Variants in LOXL2 observed in about 807,000 individuals in gnomAD.
LOXL2 encodes lysyl oxidase homolog 2.
In LOXL2, 70 loss-of-function variants were observed where a neutral mutation model predicts 93.0. The observed-to-expected ratio is 0.75, with a 90% CI of 0.62 to 0.92. The LOEUF is 0.92. Ranked by LOEUF, LOXL2 falls within the 40% of genes least tolerant of loss-of-function variation. The pLI is 0.00. For missense variants in LOXL2, 973 were observed against 1,054.9 expected (o/e 0.92, Z 1.08); for synonymous variants, 438 against 413.2 (o/e 1.06, Z -0.73).
intron 1 of LOXL2, among the ~76,000 whole-genome samples, chr8:23,368,940 C>T (rs1258687776): frequency 1.3e-5 from 2 of 152,142 alleles, no homozygotes; most frequent in South Asian, 2.1e-4. Context: ...ATACCTGACT[C>T]CCTTTCCTCC....
chr8:23,386,690 T>G (rs1271330926), intron 1 of LOXL2, among the ~76,000 whole-genome samples: 2 of 114,126 alleles, frequency 1.8e-5, no homozygotes, highest in Non-Finnish European at 4.3e-5. Context: ...GTCTCAACAT[T>G]GACAGTCTAA....
At chr8:23,363,431 GCTCCAC>G (rs1804336106) in intron 2 of LOXL2, 1 of 152,184 alleles carries the variant, frequency 6.6e-6, no homozygotes, top group South Asian at 2.1e-4. Context: ...AAGCAGTCAA[GCTCCAC>G]TGAAACATAC....
intron 1 of LOXL2, among the ~76,000 whole-genome samples, chr8:23,375,027 G>A (rs2117220108): frequency 6.6e-6 from 1 of 152,270 alleles, no homozygotes; most frequent in Admixed American, 6.5e-5. Flanking sequence ...GCTCATGCCT[G>A]TGTCCTGAAT....
intron 9 of LOXL2, among the ~76,000 whole-genome samples, chr8:23,311,337 C>T (rs886691641): frequency 2.6e-5 from 4 of 152,154 alleles, no homozygotes; most frequent in African/African-American, 4.8e-5. Flanking sequence ...GGGTGGGGCA[C>T]GGAAGCCGTA....
At position 23,317,147 on chromosome 8, in the gene LOXL2, A is replaced by G. The variant is rs766269460; in HGVS notation, c.1471-33T>C. On this transcript the variant is annotated intron_variant, in intron 8 of 13. Transcript: ENST00000389131. ...AACCAACAAAACAAATGGTGGGTAC[A>G]TCATCTCAAACTGTCACTTTCTCAT... 3.6e-5 allele frequency: 58 copies of G among 1,606,384 alleles called. 2 individuals are homozygous for G. In the South Asian group the frequency reaches 6.0e-4, roughly 16 times the overall value.
At position 23,380,699 on chromosome 8, in the gene LOXL2, G is replaced by A. The variant is rs993618205; in HGVS notation, c.-83-12265C>T. On this transcript the variant is annotated intron_variant, in intron 1 of 13. Transcript: ENST00000389131. ...ACACAAGCTGGTGAAAAAAAATCTG[G>A]AAAACACAAACAAGTGAAAGGAAGA... is the stretch of plus-strand genomic sequence containing the variant. Among the ~76,000 whole-genome samples, 8 of 152,172 alleles carry A rather than the reference G, an allele frequency of 5.3e-5. No homozygotes were observed. In the East Asian group the frequency reaches 1.4e-3, roughly 26 times the overall value.
At chr8:23,315,338 G>T (rs1803378393) in intron 9 of LOXL2, among the ~76,000 whole-genome samples, 1 of 152,168 alleles carries the variant, frequency 6.6e-6, no homozygotes, top group African/African-American at 2.4e-5. Flanking sequence ...GTTGCCTGAA[G>T]AATTACTTTA....
At chr8:23,312,068 C>T (rs577476161) in intron 9 of LOXL2, among the ~76,000 whole-genome samples, 134 of 152,292 alleles carry the variant, frequency 8.8e-4, no homozygotes, top group African/African-American at 3.2e-3. Context: ...ATAAATTCCT[C>T]GACACATACA....
chr8:23,317,261 G>T (rs1235250560), intron 8 of LOXL2, 147 bp from the exon 9 acceptor site: 4 of 834,494 alleles, frequency 4.8e-6, no homozygotes, highest in Non-Finnish European at 7.8e-6. Flanking sequence ...ACCTATCCAA[G>T]CTGTGCAGTT....
At chr8:23,399,812 T>C (rs932750052) in intron 1 of LOXL2, among the ~76,000 whole-genome samples, 1 of 152,240 alleles carries the variant, frequency 6.6e-6, no homozygotes, top group Non-Finnish European at 1.5e-5. Context: ...TGGTGTGGAA[T>C]CACCTAGAAA....
intron 6 of LOXL2, among the ~76,000 whole-genome samples, chr8:23,325,498 C>T (rs1241672688): frequency 1.3e-5 from 2 of 152,030 alleles, no homozygotes; most frequent in African/African-American, 4.8e-5. Flanking sequence ...CACTATGTTG[C>T]CCAGGCTCGT....
At chr8:23,382,587 C>T (rs1161102631) in intron 1 of LOXL2, 2 of 151,478 alleles carry the variant, frequency 1.3e-5, no homozygotes, top group Non-Finnish European at 2.9e-5. Context: ...AACTTTCTGA[C>T]TTTATCCTCA....
intron 4 of LOXL2, among the ~76,000 whole-genome samples, chr8:23,340,491 A>T (rs1294590599): frequency 1.3e-5 from 2 of 152,238 alleles, no homozygotes; most frequent in East Asian, 3.8e-4. Flanking sequence ...GTCAGATTTA[A>T]CTGGGATTGG....
In LOXL2 at chr8:23,298,094, T is replaced by C. The variant is rs1211544192; in HGVS notation, c.2274A>G (p.Lys758=). ...AGAGCCCGCTGAAGTGCTCAAACTT[T>C]TTTTCCGTCTCTTCGCTGAAGGAAC... ...IGGSFSEETE[K]KFEHFSGLLN... is the part of the protein sequence containing the mutation. The change falls in exon 14 of 14, where the codon AAA becomes AAG. Residue 758 remains lysine (K), a synonymous_variant. Transcript: ENST00000389131. 1.2e-6 allele frequency: 2 copies of C among 1,613,696 alleles called. No individual in the cohort carries two copies. The highest frequency in any genetic ancestry group is 1.7e-5 in the Admixed American group (1 of 60,010).
At position 23,310,813 on chromosome 8, in the gene LOXL2, T is replaced by C. The variant is rs77724967; in HGVS notation, c.1637-902A>G. On this transcript the variant is annotated intron_variant, in intron 9 of 13. Transcript: ENST00000389131. ...CTTTTACAATGCTTGATTTACTCAATTAGTGCACTGCACATAGCAGGTGTT... is the reference window on the plus strand; with the variant it reads ...CTTTTACAATGCTTGATTTACTCAACTAGTGCACTGCACATAGCAGGTGTT... Among the ~76,000 whole-genome samples the C allele has an allele frequency of 9.0e-3, 1,377 of 152,330 alleles. 82 individuals are homozygous for C. In the East Asian group the frequency reaches 0.16, roughly 18 times the overall value.
At chr8:23,307,364 G>A (rs1029042769) in intron 10 of LOXL2, among the ~76,000 whole-genome samples, 3 of 152,144 alleles carry the variant, frequency 2.0e-5, no homozygotes, top group Non-Finnish European at 4.4e-5. Flanking sequence ...AGGTACATGT[G>A]CTCAGCATGT....
At chr8:23,378,259 A>C (rs1367379820) in intron 1 of LOXL2, among the ~76,000 whole-genome samples, 1 of 152,184 alleles carries the variant, frequency 6.6e-6, no homozygotes, top group Non-Finnish European at 1.5e-5. Context: ...AGAATGTTGA[A>C]TATTGGCCCC....
chr8:23,380,101 A>G (rs538534717), intron 1 of LOXL2, among the ~76,000 whole-genome samples: 1 of 152,296 alleles, frequency 6.6e-6, no homozygotes, highest in South Asian at 2.1e-4. Context: ...CAACGTTTTA[A>G]AAGACATCTT....
chr8:23,381,523 A>G (rs1804680638), intron 1 of LOXL2, among the ~76,000 whole-genome samples: 1 of 152,240 alleles, frequency 6.6e-6, no homozygotes, highest in Non-Finnish European at 1.5e-5. Flanking sequence ...TAAGCAAAAA[A>G]GGGTATTTTG....
Sources: allele counts gnomAD v4.1 joint callset (sites outside exome capture counted in the v4.1 genomes callset), GRCh38; gene constraint gnomAD v4.1.1; transcripts MANE v1.5; gene names NCBI Gene and HGNC (gene_info 2026-07-23, HGNC 2026-07-21).